The following ARHGAP45 variants were observed in gnomAD, a reference collection of about 807,000 sequenced individuals.
ARHGAP45 encodes rho GTPase-activating protein 45.
In ARHGAP45, 56 loss-of-function variants were observed where a neutral mutation model predicts 116.1. The ratio of observed to expected loss-of-function variants is 0.48; its 90% CI spans 0.39 to 0.60. ARHGAP45 has a LOEUF of 0.60. Among genes scored for constraint, ARHGAP45 ranks in the 20% least tolerant of loss-of-function variants. The probability of loss-of-function intolerance (pLI) is 0.00; values close to 1 mark genes in which losing one functional copy is unlikely to be tolerated. For missense variants in ARHGAP45, 1,622 were observed against 1,601.0 expected (o/e 1.01, Z -0.22); for synonymous variants, 866 against 701.7 (o/e 1.23, Z -3.70).
At chr19:1,082,750 T>TG in intron 19 of ARHGAP45, 90 bp from the exon 20 acceptor site, 1 of 1,046,178 alleles carries the variant, frequency 9.6e-7, no homozygotes, top group Non-Finnish European at 1.3e-6. Context: ...CAGTGCTCTG[T>TG]GGGGGTGGGG....
intron 12 of ARHGAP45, 31 bp from the exon 13 acceptor site, chr19:1,079,897 T>A: frequency 5.6e-6 from 9 of 1,598,976 alleles, no homozygotes; most frequent in Non-Finnish European, 7.7e-6. Flanking sequence ...GGCCTCCTCC[T>A]GACCCCTCCG....
At chr19:1,085,602 TTGTCTCTCCTCCATCTCTCCTGTC>T (rs1478500391) in intron 22 of ARHGAP45, 34 bp from the exon 23 acceptor site, 2 of 1,293,618 alleles carry the variant, frequency 1.5e-6, no homozygotes, top group Non-Finnish European at 2.1e-6. Context: ...GTCCCTCCCC[TTGTCTCTCCTCCATCTCTCCTGTC>T]TGTCTCCCCC....
Position 1,082,968 on chromosome 19 carries a change from A to T in ARHGAP45, c.2646A>T (p.Ala882=). 1 of 1,562,534 alleles carries T rather than the reference A, an allele frequency of 6.4e-7. No individual in the cohort carries two copies. Among genetic ancestry groups the T allele is most frequent in the East Asian group, 2.3e-5 (1 of 43,236 alleles). ...GGCAGGACGGCTCGGAGAGCGAGGC[A>T]GTGGCGGTGGCCCTGGCAGGTCGGC... The part of the protein sequence containing the change: ...RGRQDGSESE[A]VAVALAGRLR... Residue 882 remains alanine, a synonymous_variant, in exon 20 of 23, where the codon GCA becomes GCT. Coordinates refer to ENST00000313093, the MANE Select transcript of ARHGAP45 (RefSeq NM_012292.5).
rs1181672627 is a variant in ARHGAP45 at position 1,086,170 on chromosome 19, T to G, written c.*164T>G. 1 of 632,370 alleles carries G rather than the reference T, an allele frequency of 1.6e-6. No individual in the cohort carries two copies. Among genetic ancestry groups the G allele is most frequent in the Non-Finnish European group, 2.7e-6 (1 of 364,612 alleles). 39.2% of individuals were successfully genotyped at this position (632,370 alleles called of 1,614,324 possible). A position where few individuals can be genotyped will look rare whatever the true frequency, so the allele number is the denominator to read the frequency against. ...CAGCGGGCGCCTCCTCCCAGAGGCT[T>G]CCAGGAGCACGAGGGCCTTGCGGCA... On this transcript the variant is annotated 3_prime_UTR_variant, in exon 23 of 23. Transcript: ENST00000313093.
chr19:1,068,483 T>G lies in ARHGAP45; in HGVS notation c.160T>G (p.Ser54Ala), dbSNP rs2043079960. 4 of 1,587,420 alleles carry G rather than the reference T, an allele frequency of 2.5e-6. No homozygotes were observed. The East Asian group carries it at 9.3e-5, about 37-fold the overall frequency. The change falls in exon 2 of 23, where the codon TCC becomes GCC. Residue 54 changes from serine (S) to alanine (A), a missense_variant. Physicochemically the swap from Ser to Ala is moderately conservative, Grantham distance 99. Around this residue, in one of 3 missense-constraint regions of ARHGAP45, gnomAD observed 279 missense variants for 311.9 expected, o/e 0.89. Transcript: ENST00000313093. The surrounding 1 kb of genome is among the most constrained non-coding windows in gnomAD (Gnocchi z 7.5). Reference protein sequence around the residue: ...GPSLEPPAGSSGVKATGTLKR... With the variant: ...GPSLEPPAGSAGVKATGTLKR... ...AAGCCTGGAGCCGCCCGCTGGGTCCTCCGGCGTCAAGGCCACAGGGACCCT... is the reference window on the plus strand; with the variant it reads ...AAGCCTGGAGCCGCCCGCTGGGTCCGCCGGCGTCAAGGCCACAGGGACCCT...
In ARHGAP45 at chr19:1,086,005, G is replaced by A; in HGVS notation, c.3410G>A (p.Ter1137=). Residue 1137 remains the stop codon, a stop_retained_variant, in exon 23 of 23, where the codon TGA becomes TAA. Transcript: ENST00000313093. Reference sequence around the variant, plus strand: ...AGGGAAAGGCAGCCGGAATTCGTGTGAGCTGGGGTGGGGCTGGGACCACAG... The same window carrying A: ...AGGGAAAGGCAGCCGGAATTCGTGTAAGCTGGGGTGGGGCTGGGACCACAG... ...SCRERQPEFV[*] The A allele has an allele frequency of 1.2e-6, 2 of 1,610,530 alleles. No individual in the cohort carries two copies. Among genetic ancestry groups the A allele is most frequent in the East Asian group, 2.2e-5 (1 of 44,844 alleles).
chr19:1,084,380 A>G (rs1568486772), intron 22 of ARHGAP45, 34 bp downstream of exon 22: 2 of 1,551,726 alleles, frequency 1.3e-6, no homozygotes, highest in Admixed American at 1.9e-5. Flanking sequence ...GCCCCAAGGG[A>G]GGCTGGCGTG....
chr19:1,080,353 A>C lies in ARHGAP45; in HGVS notation c.1802A>C (p.Glu601Ala). 1 of 1,607,116 alleles carries C rather than the reference A, an allele frequency of 6.2e-7. No homozygotes were observed. ...CCCCCAGAAGAAGGCGGGTGCACTGAGGGCACACCTGCCAAGGACCACAGG... is the reference window on the plus strand; with the variant it reads ...CCCCCAGAAGAAGGCGGGTGCACTGCGGGCACACCTGCCAAGGACCACAGG... ...GSPPEEGGCT[E>A]GTPAKDHRAG... The change falls in exon 14 of 23, where the codon GAG (glutamate) becomes GCG (alanine). Residue 601 changes from glutamate (E) to alanine (A), a missense_variant. By Grantham distance (107) the Glu-to-Ala change is moderately radical. Transcript: ENST00000313093.
In ARHGAP45 at chr19:1,086,180, C is replaced by G; in HGVS notation, c.*174C>G. ...CTCCTCCCAGAGGCTTCCAGGAGCA[C>G]GAGGGCCTTGCGGCACAGGACTGTG... On this transcript the variant is annotated 3_prime_UTR_variant, in exon 23 of 23. Coordinates refer to ENST00000313093, the MANE Select transcript of ARHGAP45 (RefSeq NM_012292.5). The G allele has an allele frequency of 1.6e-6, 1 of 615,344 alleles. No homozygotes were observed. 38.1% of individuals were successfully genotyped at this position (615,344 alleles called of 1,614,324 possible). A position where few individuals can be genotyped will look rare whatever the true frequency, so the allele number is the denominator to read the frequency against.
chr19:1,081,498 G>A, intron 17 of ARHGAP45, 52 bp from the exon 18 acceptor site: 1 of 1,433,272 alleles, frequency 7.0e-7, no homozygotes, highest in Non-Finnish European at 9.2e-7. Flanking sequence ...GCTGGGGGCT[G>A]CGCTGAGCTG....
In ARHGAP45 at chr19:1,073,134, G is replaced by T; in HGVS notation, c.422-15G>T. 1.9e-6 allele frequency: 3 copies of T among 1,599,634 alleles called. No individual in the cohort carries two copies. Among genetic ancestry groups the T allele is most frequent in the Non-Finnish European group, 2.5e-6 (3 of 1,178,906 alleles). On this transcript the variant is annotated splice_polypyrimidine_tract_variant and intron_variant, in intron 2 of 22. Transcript: ENST00000313093. ...TGGGCCCTACCCCACTGCTCACTCC[G>T]ACTCTCCCCAGCAGACCTCCTTGAG...
intron 4 of ARHGAP45, 39 bp from the exon 5 acceptor site, chr19:1,073,635 C>T (rs749300530): frequency 6.2e-7 from 1 of 1,611,254 alleles, no homozygotes; most frequent in Admixed American, 1.7e-5. Flanking sequence ...GCGTGGGGGG[C>T]CCGGGTGTCT....
rs1599746372 is a variant in ARHGAP45, at chr19:1,067,296, G to T, written c.-110G>T. 1 of 1,425,114 alleles carries T rather than the reference G, an allele frequency of 7.0e-7. No individual in the cohort carries two copies. The allele number at this position is 1,425,114 out of a possible 1,614,324, so 88.3% of individuals were successfully genotyped here. A position where few individuals can be genotyped will look rare whatever the true frequency, so the allele number is the denominator to read the frequency against. On this transcript the variant is annotated 5_prime_UTR_variant, in exon 1 of 23. Transcript: ENST00000313093. Reference sequence around the variant, plus strand: ...CCGGGCCTGTCACGTGGGCCTGACAGCTGGGGAGGGGGTGGCCGGCGACAA... The same window carrying T: ...CCGGGCCTGTCACGTGGGCCTGACATCTGGGGAGGGGGTGGCCGGCGACAA...
Position 1,068,334 on chromosome 19 carries a change from C to A in ARHGAP45, c.91-80C>A. 1 of 1,292,292 alleles carries A rather than the reference C, an allele frequency of 7.7e-7. No homozygotes were observed. Among genetic ancestry groups the A allele is most frequent in the Non-Finnish European group, 1.0e-6 (1 of 957,264 alleles). 80.1% of individuals were successfully genotyped at this position (1,292,292 alleles called of 1,614,324 possible). On this transcript the variant is annotated intron_variant, in intron 1 of 22. Transcript: ENST00000313093. This position sits in a 1 kb window ranked among gnomAD's most constrained non-coding sequence, Gnocchi z 7.5. ...CAGGGTGATGGTGGCCCTCCACAGC[C>A]CCACTTCATTTCTGGGGAAACTGAG...
At chr19:1,080,431 C>G in intron 14 of ARHGAP45, 33 bp from the exon 15 acceptor site, 1 of 1,611,888 alleles carries the variant, frequency 6.2e-7, no homozygotes, top group African/African-American at 1.3e-5. Context: ...GCGACCCACC[C>G]TGGCCCTTCA....
intron 4 of ARHGAP45, 39 bp from the exon 5 acceptor site, chr19:1,073,635 C>G (rs749300530): frequency 6.2e-7 from 1 of 1,611,254 alleles, no homozygotes; most frequent in Non-Finnish European, 8.5e-7. Flanking sequence ...GCGTGGGGGG[C>G]CCGGGTGTCT....
intron 22 of ARHGAP45, among the ~76,000 whole-genome samples, 189 bp from the exon 23 acceptor site, chr19:1,085,471 C>T (rs552747201): frequency 4.7e-5 from 7 of 148,436 alleles, no homozygotes; most frequent in African/African-American, 1.5e-4. Flanking sequence ...TCCTCCCCGC[C>T]ATGTCTCTCC....
intron 19 of ARHGAP45, 102 bp downstream of exon 19, chr19:1,082,063 G>A: frequency 1.1e-6 from 1 of 934,012 alleles, no homozygotes; most frequent in Non-Finnish European, 1.5e-6. Flanking sequence ...CTGAGCTGGA[G>A]CAGGACTGGC....
At position 1,071,254 on chromosome 19, in the gene ARHGAP45, C is replaced by T. The variant is rs1448913995; in HGVS notation, c.422-1895C>T. On this transcript the variant is annotated intron_variant, in intron 2 of 22. Coordinates refer to ENST00000313093, the MANE Select transcript of ARHGAP45 (RefSeq NM_012292.5). The surrounding 1 kb of genome is among the most constrained non-coding windows in gnomAD (Gnocchi z 4.6). ...CCCATCGGTCAGCTGCCAGGCCCCACGCGCTCGCGGTCTCCGCGCCCCGAC... is the reference window on the plus strand; with the variant it reads ...CCCATCGGTCAGCTGCCAGGCCCCATGCGCTCGCGGTCTCCGCGCCCCGAC... The T allele has an allele frequency of 3.4e-6, 5 of 1,479,444 alleles. No homozygotes were observed. The highest frequency in any genetic ancestry group is 2.5e-5 in the South Asian group (2 of 80,918). 91.6% of individuals were successfully genotyped at this position (1,479,444 alleles called of 1,614,324 possible). A position where few individuals can be genotyped will look rare whatever the true frequency, so the allele number is the denominator to read the frequency against.
Sources: allele counts gnomAD v4.1 joint callset (sites outside exome capture counted in the v4.1 genomes callset), GRCh38; gene constraint gnomAD v4.1.1; regional missense constraint gnomAD v4.1.1; non-coding constraint Gnocchi (gnomAD v3.1); transcripts MANE v1.5; gene names NCBI Gene and HGNC (gene_info 2026-07-23, HGNC 2026-07-21).